Variants in NET1 observed in about 807,000 individuals in gnomAD.
NET1 encodes the protein neuroepithelial cell transforming 1, also known as neuroepithelial cell-transforming gene 1 protein.
In NET1, 42 loss-of-function variants were observed where a neutral mutation model predicts 61.1. The observed-to-expected ratio is 0.69, with a 90% CI of 0.54 to 0.89. The LOEUF (loss-of-function observed/expected upper bound fraction) is 0.89, where lower values mean the gene tolerates loss of function less well. NET1 is among the 40% of genes least tolerant of loss of function. The pLI, the probability that NET1 is intolerant of heterozygous loss-of-function variation, is 0.00. For missense variants in NET1, 654 were observed against 747.3 expected (o/e 0.88, Z 1.46); for synonymous variants, 254 against 281.8 (o/e 0.90, Z 0.99).
chr10:5,428,038 C>CTTTTTTTTTTT (rs57698527), intron 2 of NET1, among the ~76,000 whole-genome samples: 2 of 113,900 alleles, frequency 1.8e-5, no homozygotes, highest in African/African-American at 6.8e-5. Context: ...TTTGCCGTTC[C>CTTTTTTTTTTT]TTTTTTTTTT....
chr10:5,426,001 A>G lies in NET1; in HGVS notation c.129-654A>G, dbSNP rs1175829376. Among the ~76,000 whole-genome samples the G allele has an allele frequency of 6.6e-6, 1 of 152,214 alleles. No individual in the cohort carries two copies. Among genetic ancestry groups the G allele is most frequent in the East Asian group, 1.9e-4 (1 of 5,202 alleles). ...GGCGGCTTATATTTTAGAAAGGTGA[A>G]GACAGGTTTTGTCATAAGACTTTCT... On this transcript the variant is annotated intron_variant, in intron 1 of 11. Transcript: ENST00000355029. The surrounding 1 kb of genome is among the most constrained non-coding windows in gnomAD (Gnocchi z 4.6).
intron 1 of NET1, among the ~76,000 whole-genome samples, chr10:5,418,751 A>G (rs1161144157): frequency 1.3e-5 from 2 of 151,948 alleles, no homozygotes; most frequent in East Asian, 3.9e-4. Flanking sequence ...TTCCAGTGTC[A>G]TGATTATAGA....
At position 5,452,647 on chromosome 10, in the gene NET1, T is replaced by C. The variant is rs936377311; in HGVS notation, c.531+122T>C. ...CTAATACATGGTGAACAAAACCTAA[T>C]GATGGATGGTGGTCAAATTAAACAA... On this transcript the variant is annotated intron_variant, in intron 5 of 11. Coordinates refer to ENST00000355029, the MANE Select transcript of NET1 (RefSeq NM_001047160.3). This position sits in a 1 kb window ranked among gnomAD's most constrained non-coding sequence, Gnocchi z 4.0. The C allele has an allele frequency of 9.3e-6, 10 of 1,075,822 alleles. No homozygotes were observed. In the African/African-American group the frequency reaches 1.6e-4, roughly 17 times the overall value. 66.6% of individuals were successfully genotyped at this position (1,075,822 alleles called of 1,614,324 possible).
intron 2 of NET1, among the ~76,000 whole-genome samples, chr10:5,428,215 T>C (rs12778819): frequency 8.7e-4 from 133 of 152,240 alleles, no homozygotes; most frequent in Admixed American, 1.4e-3. Context: ...TGAAAAGTTA[T>C]TTTGAGATGT....
chr10:5,452,340 C>T lies in NET1; in HGVS notation c.364-18C>T. 4 of 1,536,202 alleles carry T rather than the reference C, an allele frequency of 2.6e-6. No individual in the cohort carries two copies. Among genetic ancestry groups the T allele is most frequent in the Non-Finnish European group, 3.5e-6 (4 of 1,137,094 alleles). On this transcript the variant is annotated intron_variant, in intron 4 of 11. Transcript: ENST00000355029. The surrounding 1 kb of genome is among the most constrained non-coding windows in gnomAD (Gnocchi z 4.0). The stretch of plus-strand genomic sequence containing the variant: ...TCCAAATCTTATTTTCTCTTTTGTT[C>T]ACCTTTTCTTTTTTAAGTCATTTAC...
rs1203777735 is a variant in NET1 at position 5,455,679 on chromosome 10, A to G, written c.1198-408A>G. Among the ~76,000 whole-genome samples, 2 of 152,162 alleles carry G rather than the reference A, an allele frequency of 1.3e-5. No homozygotes were observed. The highest frequency in any genetic ancestry group is 2.9e-5 in the Non-Finnish European group (2 of 68,042). On this transcript the variant is annotated intron_variant, in intron 10 of 11. Coordinates refer to ENST00000355029, the MANE Select transcript of NET1 (RefSeq NM_001047160.3). This position sits in a 1 kb window ranked among gnomAD's most constrained non-coding sequence, Gnocchi z 6.5. The stretch of plus-strand genomic sequence containing the variant: ...TTTTTCCCTCACGAGGGGAAAATTT[A>G]TAAAGGTATAAATTTGTGTGGGACA...
In NET1 at chr10:5,435,542, CAGAT is replaced by C. The variant is rs1196984049; in HGVS notation, c.255+6331_255+6334del. On this transcript the variant is annotated intron_variant, in intron 3 of 11. Coordinates refer to ENST00000355029, the MANE Select transcript of NET1 (RefSeq NM_001047160.3). The surrounding 1 kb of genome is among the most constrained non-coding windows in gnomAD (Gnocchi z 5.0). ...ATAGATAGATAGATAGACAGACAGA[CAGAT>C]AGATAGATAGATAGATAAAATAGAT... 2.9e-5 allele frequency among the ~76,000 whole-genome samples: 4 copies of C among 139,050 alleles called. No homozygotes were observed. The highest frequency in any genetic ancestry group is 1.0e-4 in the African/African-American group (4 of 38,470). 91.2% of individuals were successfully genotyped at this position (139,050 alleles called of 152,430 possible). A position where few individuals can be genotyped will look rare whatever the true frequency, so the allele number is the denominator to read the frequency against.
At position 5,427,197 on chromosome 10, in the gene NET1, AT is replaced by A. The variant is rs1032187067; in HGVS notation, c.195+480del. 2.6e-5 allele frequency among the ~76,000 whole-genome samples: 4 copies of A among 152,116 alleles called. No individual in the cohort carries two copies. The highest frequency in any genetic ancestry group is 2.6e-4 in the Admixed American group (4 of 15,270). ...TAGCAGGACTTTACAGAGGCATTTAATTTTGTGTGAAGTGATAACAGAAAAT... is the reference window on the plus strand; with the variant it reads ...TAGCAGGACTTTACAGAGGCATTTAATTTGTGTGAAGTGATAACAGAAAAT... On this transcript the variant is annotated intron_variant, in intron 2 of 11. Coordinates refer to ENST00000355029, the MANE Select transcript of NET1 (RefSeq NM_001047160.3). This position sits in a 1 kb window ranked among gnomAD's most constrained non-coding sequence, Gnocchi z 4.1.
Position 5,454,567 on chromosome 10 carries a change from A to G in NET1, c.1026+45A>G. ...ATTGTTTTGTTTTTTAAGTTTATAC[A>G]TTAGGCTGCTTTAGAACGTTATCTT... On this transcript the variant is annotated intron_variant, in intron 9 of 11. Transcript: ENST00000355029. The surrounding 1 kb of genome is among the most constrained non-coding windows in gnomAD (Gnocchi z 8.1). 1 of 1,577,568 alleles carries G rather than the reference A, an allele frequency of 6.3e-7. No homozygotes were observed. The highest frequency in any genetic ancestry group is 1.4e-5 in the African/African-American group (1 of 73,182).
chr10:5,417,252 T>G lies in NET1; in HGVS notation c.128+4432T>G, dbSNP rs561361479. ...GTCTGCCTGCTAGGGTCTCGGGGGG[T>G]TTTTATAGGCACAGGTGGGGGCGTG... is the stretch of plus-strand genomic sequence containing the variant. On this transcript the variant is annotated intron_variant, in intron 1 of 11. Transcript: ENST00000355029. The surrounding 1 kb of genome is among the most constrained non-coding windows in gnomAD (Gnocchi z 5.5). 2.1e-4 allele frequency among the ~76,000 whole-genome samples: 31 copies of G among 149,304 alleles called. No individual in the cohort carries two copies. The South Asian group carries it at 4.8e-3, about 23-fold the overall frequency.
intron 3 of NET1, among the ~76,000 whole-genome samples, chr10:5,442,755 C>T (rs369826989): frequency 2.0e-5 from 3 of 151,700 alleles, no homozygotes; most frequent in Non-Finnish European, 4.4e-5. Context: ...ATTAGCCAGG[C>T]GTGATGGCAC....
At chr10:5,432,851 T>C (rs1832371074) in intron 3 of NET1, among the ~76,000 whole-genome samples, 1 of 152,174 alleles carries the variant, frequency 6.6e-6, no homozygotes, top group Admixed American at 6.5e-5. Flanking sequence ...GTATGTTTGC[T>C]CTTTGCTTTG....
chr10:5,429,094 GT>G, intron 2 of NET1, 75 bp from the exon 3 acceptor site: 1 of 1,067,032 alleles, frequency 9.4e-7, no homozygotes, highest in Non-Finnish European at 1.4e-6. Context: ...GATTTTTCTA[GT>G]TTTATAGAGT....
In NET1 at chr10:5,456,982, G is replaced by A; in HGVS notation, c.1779G>A (p.Glu593=). 1 of 1,560,240 alleles carries A rather than the reference G, an allele frequency of 6.4e-7. No individual in the cohort carries two copies. Among genetic ancestry groups the A allele is most frequent in the South Asian group, 1.2e-5 (1 of 82,462 alleles). The change falls in exon 12 of 12, where the codon GAG becomes GAA. Residue 593 remains glutamate, a synonymous_variant. Transcript: ENST00000355029. This position sits in a 1 kb window ranked among gnomAD's most constrained non-coding sequence, Gnocchi z 7.0. ...DKALSGGKRK[E]TLV The stretch of plus-strand genomic sequence containing the variant: ...CCCTTTCTGGTGGCAAACGGAAAGA[G>A]ACTTTGGTGTAGAGAAGGCTCTGTG...
Position 5,431,479 on chromosome 10 carries a change from A to G in NET1, c.255+2250A>G, listed in dbSNP as rs1014198041. Among the ~76,000 whole-genome samples, 1 of 147,212 alleles carries G rather than the reference A, an allele frequency of 6.8e-6. No homozygotes were observed. The highest frequency in any genetic ancestry group is 2.5e-5 in the African/African-American group (1 of 39,756). ...AAATGGATGCTCATTGCCTACATGC[A>G]TTTTTTTCTTGGTGGTTGCAAAGTG... On this transcript the variant is annotated intron_variant, in intron 3 of 11. Coordinates refer to ENST00000355029, the MANE Select transcript of NET1 (RefSeq NM_001047160.3). The surrounding 1 kb of genome is among the most constrained non-coding windows in gnomAD (Gnocchi z 4.9).
At chr10:5,428,515 G>A (rs1377032385) in intron 2 of NET1, among the ~76,000 whole-genome samples, 1 of 139,892 alleles carries the variant, frequency 7.1e-6, no homozygotes, top group South Asian at 2.3e-4. Context: ...AAAAAAACTA[G>A]CTGATTTTAT....
rs1832170539 is a variant in NET1, at chr10:5,421,240, G to A, written c.129-5415G>A. ...GTCCTGAAAATTGGACACAAGTAAT[G>A]TTTAAATAATTTTATTTCTGTCTTT... On this transcript the variant is annotated intron_variant, in intron 1 of 11. Transcript: ENST00000355029. The surrounding 1 kb of genome is among the most constrained non-coding windows in gnomAD (Gnocchi z 4.2). Among the ~76,000 whole-genome samples the A allele has an allele frequency of 6.6e-6, 1 of 152,144 alleles. No homozygotes were observed. Among genetic ancestry groups the A allele is most frequent in the Non-Finnish European group, 1.5e-5 (1 of 68,020 alleles).
At chr10:5,428,018 C>G (rs1483198787) in intron 2 of NET1, among the ~76,000 whole-genome samples, 1 of 144,362 alleles carries the variant, frequency 6.9e-6, no homozygotes, top group Non-Finnish European at 1.5e-5. Context: ...TTCTCCACTT[C>G]TATCTGGACT....
chr10:5,440,729 C>T lies in NET1; in HGVS notation c.256-11101C>T, dbSNP rs1161850784. ...TTTTCAAATCTTTTAAAGCAATTAG[C>T]CAAAGCCAGTAAACACTACAATCAT... On this transcript the variant is annotated intron_variant, in intron 3 of 11. Transcript: ENST00000355029. This position sits in a 1 kb window ranked among gnomAD's most constrained non-coding sequence, Gnocchi z 4.1. Among the ~76,000 whole-genome samples, 1 of 151,916 alleles carries T rather than the reference C, an allele frequency of 6.6e-6. No individual in the cohort carries two copies. Among genetic ancestry groups the T allele is most frequent in the Non-Finnish European group, 1.5e-5 (1 of 68,024 alleles).
Sources: allele counts gnomAD v4.1 joint callset (sites outside exome capture counted in the v4.1 genomes callset), GRCh38; gene constraint gnomAD v4.1.1; non-coding constraint Gnocchi (gnomAD v3.1); transcripts MANE v1.5; gene names NCBI Gene and HGNC (gene_info 2026-07-23, HGNC 2026-07-21).